CACNA1C: variants seen among roughly 807,000 people sequenced by gnomAD.
CACNA1C encodes the protein voltage-dependent L-type calcium channel subunit alpha-1C.
In CACNA1C, 30 loss-of-function variants were observed where a neutral mutation model predicts 229.0. That is an observed-to-expected ratio of 0.13 (90% CI 0.10 to 0.18). The LOEUF (loss-of-function observed/expected upper bound fraction) is 0.18. CACNA1C is among the 10% of genes least tolerant of loss of function. The probability of loss-of-function intolerance (pLI) is 1.00; values close to 1 mark genes in which losing one functional copy is unlikely to be tolerated. For missense variants in CACNA1C, 1,658 were observed against 2,845.0 expected, an observed-to-expected ratio of 0.58 and a Z score of 9.49; for synonymous variants, 1,114 against 1,132.5, an observed-to-expected ratio of 0.98 and a Z score of 0.33.
intron 1 of CACNA1C, among the ~76,000 whole-genome samples, chr12:2,100,975 C>T (rs1446851573): frequency 7.0e-6 from 1 of 142,640 alleles, no homozygotes; most frequent in African/African-American, 2.7e-5. Context: ...GCAGTCTAGC[C>T]TGGGCGACAA....
In CACNA1C at chr12:2,504,732, G is replaced by A. The variant is rs1455120339; in HGVS notation, c.1114-110G>A. Reference sequence around the variant, plus strand: ...TTTGGCCTCTGATTTGCACCTAGAGGGTCCCCGGATCCTGGCGCTGCGTGG... The same window carrying A: ...TTTGGCCTCTGATTTGCACCTAGAGAGTCCCCGGATCCTGGCGCTGCGTGG... On this transcript the variant is annotated intron_variant, in intron 7 of 46. Transcript: ENST00000399655. This position sits in a 1 kb window ranked among gnomAD's most constrained non-coding sequence, Gnocchi z 6.8. 1 of 778,628 alleles carries A rather than the reference G, an allele frequency of 1.3e-6. No homozygotes were observed. The allele number at this position is 778,628 out of a possible 1,614,324, so 48.2% of individuals were successfully genotyped here.
chr12:2,598,578 C>T (rs1356426485), intron 21 of CACNA1C, among the ~76,000 whole-genome samples: 1 of 152,180 alleles, frequency 6.6e-6, no homozygotes, highest in East Asian at 1.9e-4. Flanking sequence ...TAGCCTGGGA[C>T]TCCCCCTCCC....
chr12:2,532,641 C>G (rs1283823157), intron 9 of CACNA1C, among the ~76,000 whole-genome samples: 1 of 152,222 alleles, frequency 6.6e-6, no homozygotes, highest in East Asian at 1.9e-4. Flanking sequence ...ACTCCCACTC[C>G]TCACCCCAAG....
chr12:2,440,041 C>T (rs570806020), intron 3 of CACNA1C, among the ~76,000 whole-genome samples: 23 of 152,182 alleles, frequency 1.5e-4, no homozygotes, highest in Non-Finnish European at 2.9e-4. Flanking sequence ...GCTCACCCTG[C>T]GCATCTGTCC....
At chr12:2,468,309 CTT>C (rs1567865407) in intron 5 of CACNA1C, among the ~76,000 whole-genome samples, 1 of 152,220 alleles carries the variant, frequency 6.6e-6, no homozygotes, top group African/African-American at 2.4e-5. Context: ...GAACTGGTCT[CTT>C]TTTGATTTGA....
intron 13 of CACNA1C, among the ~76,000 whole-genome samples, chr12:2,577,934 T>C (rs908651218): frequency 6.6e-6 from 1 of 150,958 alleles, no homozygotes; most frequent in Non-Finnish European, 1.5e-5. Flanking sequence ...AGTGGCGCGA[T>C]CTCGGCTCAC....
intron 1 of CACNA1C, among the ~76,000 whole-genome samples, chr12:1,995,946 CA>C (rs1415932179): frequency 6.6e-6 from 1 of 152,220 alleles, no homozygotes; most frequent in Non-Finnish European, 1.5e-5. Context: ...ATCATTACTT[CA>C]AAGTAAAATG....
intron 3 of CACNA1C, among the ~76,000 whole-genome samples, chr12:2,392,882 T>A (rs1193937549): frequency 6.6e-6 from 1 of 152,156 alleles, no homozygotes; most frequent in Non-Finnish European, 1.5e-5. Flanking sequence ...AGGGAGCTTT[T>A]CTTTATGTCC....
chr12:2,392,043 TAGTAG>T (rs896222907), intron 3 of CACNA1C, among the ~76,000 whole-genome samples: 10 of 152,182 alleles, frequency 6.6e-5, no homozygotes, highest in Non-Finnish European at 1.3e-4. Flanking sequence ...TTTTGGAACT[TAGTAG>T]AGTATATAAG....
chr12:2,425,105 G>A (rs2099016718), intron 3 of CACNA1C, among the ~76,000 whole-genome samples: 1 of 152,228 alleles, frequency 6.6e-6, no homozygotes, highest in Non-Finnish European at 1.5e-5. Flanking sequence ...GGATAGGCCC[G>A]GAATCATTGC....
chr12:2,219,755 G>A (rs1386369073), intron 3 of CACNA1C, among the ~76,000 whole-genome samples: 4 of 152,126 alleles, frequency 2.6e-5, no homozygotes, highest in Admixed American at 2.0e-4. Context: ...TTGCTTTCAC[G>A]AACACTGAGT....
At chr12:2,255,941 G>T (rs1392984407) in intron 3 of CACNA1C, among the ~76,000 whole-genome samples, 1 of 152,262 alleles carries the variant, frequency 6.6e-6, no homozygotes, top group Non-Finnish European at 1.5e-5. Flanking sequence ...ACAACCACAC[G>T]ACCCTGACCT....
chr12:2,142,676 G>T (rs2094359092), intron 3 of CACNA1C, among the ~76,000 whole-genome samples: 1 of 151,270 alleles, frequency 6.6e-6, no homozygotes, highest in Non-Finnish European at 1.5e-5. Flanking sequence ...TGATATGGAT[G>T]ATCCTGACCA....
intron 3 of CACNA1C, among the ~76,000 whole-genome samples, chr12:2,298,731 G>A (rs2094306783): frequency 6.6e-6 from 1 of 152,248 alleles, no homozygotes; most frequent in Non-Finnish European, 1.5e-5. Context: ...TATGGCCGCA[G>A]AATTGGCTTC....
chr12:2,408,103 C>T (rs2098759196), intron 3 of CACNA1C, among the ~76,000 whole-genome samples: 1 of 152,144 alleles, frequency 6.6e-6, no homozygotes, highest in Non-Finnish European at 1.5e-5. Context: ...CATGGGTGAA[C>T]CTTGAAAACA....
At chr12:2,269,238 A>G (rs1566789682) in intron 3 of CACNA1C, among the ~76,000 whole-genome samples, 1 of 152,208 alleles carries the variant, frequency 6.6e-6, no homozygotes, top group Non-Finnish European at 1.5e-5. Flanking sequence ...TAGAGCCAGG[A>G]GGGAGTCATG....
rs1172016514 is a variant in CACNA1C at position 2,380,030 on chromosome 12, C to CAAAAAA, written c.478-68937_478-68932dup. 1.6e-4 allele frequency among the ~76,000 whole-genome samples: 13 copies of CAAAAAA among 80,162 alleles called. 1 individual carries two copies. The highest frequency in any genetic ancestry group is 2.9e-4 in the African/African-American group (6 of 20,894). The allele number at this position is 80,162 out of a possible 152,430, so 52.6% of individuals were successfully genotyped here. On this transcript the variant is annotated intron_variant, in intron 3 of 46. Transcript: ENST00000399655. The stretch of plus-strand genomic sequence containing the variant: ...TGGGCGACAGAGCGAGACTCCGTCT[C>CAAAAAA]AAAAAAAAAAAAAAGACATAATATT...
intron 9 of CACNA1C, among the ~76,000 whole-genome samples, chr12:2,544,503 T>C (rs1256627304): frequency 6.6e-6 from 1 of 152,216 alleles, no homozygotes; most frequent in Non-Finnish European, 1.5e-5. Context: ...AATATTAGGT[T>C]GGTGCAAAAG....
At chr12:2,408,472 C>T (rs562648844) in intron 3 of CACNA1C, among the ~76,000 whole-genome samples, 12 of 150,192 alleles carry the variant, frequency 8.0e-5, no homozygotes, top group African/African-American at 2.2e-4. Flanking sequence ...TTTTGGCTAA[C>T]GAGAGGAGGC....
Sources: allele counts gnomAD v4.1 joint callset (sites outside exome capture counted in the v4.1 genomes callset), GRCh38; gene constraint gnomAD v4.1.1; non-coding constraint Gnocchi (gnomAD v3.1); transcripts MANE v1.5; gene names NCBI Gene and HGNC (gene_info 2026-07-23, HGNC 2026-07-21).